DAAM2: variants seen among roughly 807,000 people sequenced by gnomAD.
DAAM2 encodes dishevelled associated activator of morphogenesis 2.
In DAAM2, 39 loss-of-function variants were observed where a neutral mutation model predicts 120.7. The observed-to-expected ratio is 0.32, with a 90% confidence interval of 0.25 to 0.42. The LOEUF is 0.42. Ranked by LOEUF, DAAM2 falls within the 10% of genes least tolerant of loss-of-function variation. The pLI is 1.00. For missense variants in DAAM2, 1,283 were observed against 1,401.7 expected (o/e 0.92, Z 1.35); for synonymous variants, 488 against 524.9 (o/e 0.93, Z 0.96).
Position 39,887,622 on chromosome 6 carries a change from A to G in DAAM2, c.2060+30A>G, listed in dbSNP as rs143600259. 1.3e-4 allele frequency: 191 copies of G among 1,508,238 alleles called. No homozygotes were observed. The East Asian group carries it at 4.2e-3, about 33-fold the overall frequency. The allele number at this position is 1,508,238 out of a possible 1,614,324, so 93.4% of individuals were successfully genotyped here. A position where few individuals can be genotyped will look rare whatever the true frequency, so the allele number is the denominator to read the frequency against. On this transcript the variant is annotated intron_variant, in intron 16 of 24. Transcript: ENST00000274867. ...GTGCAAAAGAAGGTGGTTGAGTTGG[A>G]TGCCTGGGGGACAAAGGGGGTGGAG...
intron 1 of DAAM2, among the ~76,000 whole-genome samples, chr6:39,794,388 A>G (rs1238062479): frequency 6.6e-6 from 1 of 152,206 alleles, no homozygotes; most frequent in Non-Finnish European, 1.5e-5. Flanking sequence ...TGGTAGTTGC[A>G]AACTCTGGCT....
Position 39,831,388 on chromosome 6 carries a change from G to A in DAAM2, c.-56-24859G>A, listed in dbSNP as rs527641589. On this transcript the variant is annotated intron_variant, in intron 1 of 24. Coordinates refer to ENST00000274867, the MANE Select transcript of DAAM2 (RefSeq NM_001201427.2). Reference sequence around the variant, plus strand: ...ACTTAGTGCTGAATAGGTGCCTGGTGCTACCCTAATCACTGTACCTGACTC... The same window carrying A: ...ACTTAGTGCTGAATAGGTGCCTGGTACTACCCTAATCACTGTACCTGACTC... 1.6e-4 allele frequency among the ~76,000 whole-genome samples: 24 copies of A among 152,180 alleles called. No homozygotes were observed. The South Asian group carries it at 4.8e-3, about 30-fold the overall frequency.
chr6:39,828,173 G>A (rs1211545658), intron 1 of DAAM2, among the ~76,000 whole-genome samples: 1 of 152,176 alleles, frequency 6.6e-6, no homozygotes, highest in African/African-American at 2.4e-5. Context: ...TTTCTAGTAT[G>A]TCTTAGTCCA....
chr6:39,834,879 G>T (rs1218783714), intron 1 of DAAM2, among the ~76,000 whole-genome samples: 2 of 152,108 alleles, frequency 1.3e-5, no homozygotes, highest in Non-Finnish European at 2.9e-5. Context: ...TCAAGCCAAC[G>T]CACGGGCTCA....
At chr6:39,812,839 T>C (rs771178642) in intron 1 of DAAM2, among the ~76,000 whole-genome samples, 11 of 152,192 alleles carry the variant, frequency 7.2e-5, no homozygotes, top group Admixed American at 1.3e-4. Flanking sequence ...CATTAGTCTT[T>C]GTCCTGTTTC....
chr6:39,827,994 C>CCTCCTCCT (rs955200245), intron 1 of DAAM2, among the ~76,000 whole-genome samples: 41 of 152,276 alleles, frequency 2.7e-4, no homozygotes, highest in African/African-American at 9.6e-4. Flanking sequence ...CTCTCTAACG[C>CCTCCTCCT]CTCCTCCTCC....
chr6:39,831,441 C>G (rs889154392), intron 1 of DAAM2, among the ~76,000 whole-genome samples: 1 of 152,044 alleles, frequency 6.6e-6, no homozygotes, highest in East Asian at 1.9e-4. Context: ...AATTAATCCC[C>G]ACAATCTTTG....
At chr6:39,876,132 C>G (rs980970994) in intron 11 of DAAM2, among the ~76,000 whole-genome samples, 2 of 152,122 alleles carry the variant, frequency 1.3e-5, no homozygotes, top group Non-Finnish European at 2.9e-5. Context: ...TTCTGGTTTA[C>G]CATATTTTAT....
In DAAM2 at chr6:39,873,302, C is replaced by A. The variant is rs377708608; in HGVS notation, c.1109C>A (p.Thr370Lys). Residue 370 changes from threonine (T) to lysine (K), a missense_variant, in exon 10 of 25, where the codon ACG becomes AAG. By Grantham distance (78) the Thr-to-Lys change is moderately conservative. Transcript: ENST00000274867. ...FELIHKKLKYTEAYPCLLSVL... is the reference protein window; with the variant it reads ...FELIHKKLKYKEAYPCLLSVL... ...TTGATCCACAAGAAGCTGAAGTACA[C>A]GGAGGCCTACCCCTGCCTGCTCTCT... 6.2e-7 allele frequency: 1 copy of A among 1,613,636 alleles called. No homozygotes were observed.
At chr6:39,866,527 T>C (rs1035708305) in intron 5 of DAAM2, among the ~76,000 whole-genome samples, 1 of 152,214 alleles carries the variant, frequency 6.6e-6, no homozygotes, top group Non-Finnish European at 1.5e-5. Flanking sequence ...AGGGTACCTG[T>C]GTGTGTGGGC....
At chr6:39,884,152 C>CTTCCT (rs879010317) in intron 15 of DAAM2, 83 bp downstream of exon 15, 25 of 734,158 alleles carry the variant, frequency 3.4e-5, no homozygotes, top group East Asian at 1.6e-4. Flanking sequence ...GCCTGCCTGC[C>CTTCCT]TTCCTTTCCT....
At chr6:39,837,386 C>T (rs1485336893) in intron 1 of DAAM2, among the ~76,000 whole-genome samples, 1 of 152,086 alleles carries the variant, frequency 6.6e-6, no homozygotes, top group African/African-American at 2.4e-5. Flanking sequence ...AACCCACATC[C>T]TTCCAACAGC....
intron 1 of DAAM2, among the ~76,000 whole-genome samples, chr6:39,823,757 G>A (rs1762569922): frequency 6.6e-6 from 1 of 152,188 alleles, no homozygotes; most frequent in Non-Finnish European, 1.5e-5. Context: ...TATCATGCTA[G>A]CCTGGTGCTT....
At chr6:39,807,025 CCAGA>C (rs1258747710) in intron 1 of DAAM2, among the ~76,000 whole-genome samples, 1 of 151,978 alleles carries the variant, frequency 6.6e-6, no homozygotes, top group Non-Finnish European at 1.5e-5. Context: ...CTAGGTAAGT[CCAGA>C]CAAAGTCTAA....
intron 1 of DAAM2, chr6:39,818,999 G>A (rs944331110): frequency 6.6e-6 from 1 of 152,188 alleles, no homozygotes; most frequent in African/African-American, 2.4e-5. Context: ...GTGCCAGGGG[G>A]TACAGCCTCA....
intron 1 of DAAM2, chr6:39,820,198 G>A (rs1562003162): frequency 2.0e-5 from 3 of 151,728 alleles, no homozygotes; most frequent in South Asian, 4.2e-4. Flanking sequence ...CTGGTGGCTG[G>A]GTGGGGTGGG....
chr6:39,824,475 C>T (rs557854694), intron 1 of DAAM2, among the ~76,000 whole-genome samples: 1 of 152,328 alleles, frequency 6.6e-6, no homozygotes, highest in East Asian at 1.9e-4. Context: ...CCCTGTGGGG[C>T]GTTAGAGATC....
chr6:39,894,922 T>C (rs1269266701), intron 19 of DAAM2, among the ~76,000 whole-genome samples: 1 of 152,056 alleles, frequency 6.6e-6, no homozygotes, highest in Non-Finnish European at 1.5e-5. Flanking sequence ...CCTGGCCTGT[T>C]TTGAACTTTA....
intron 1 of DAAM2, among the ~76,000 whole-genome samples, chr6:39,852,126 G>A (rs1460459011): frequency 1.3e-5 from 2 of 152,310 alleles, no homozygotes; most frequent in South Asian, 2.1e-4. Context: ...AGCTGCTGGC[G>A]CTGGGGAAGT....
Sources: gnomAD v4.1 joint callset for allele counts (sites outside exome capture counted in the v4.1 genomes callset) on GRCh38, gnomAD v4.1.1 for gene constraint, MANE v1.5 for transcripts, NCBI Gene and HGNC (gene_info 2026-07-23, HGNC 2026-07-21) for gene names.